IFT88: variants seen among roughly 807,000 people sequenced by gnomAD.
The protein encoded by IFT88 is intraflagellar transport protein 88 homolog.
A neutral mutation model predicts 119.5 loss-of-function variants in IFT88; 74 were observed. The observed-to-expected ratio is 0.62, with a 90% confidence interval of 0.51 to 0.75. IFT88 has a LOEUF of 0.75. Among genes scored for constraint, IFT88 ranks in the 30% least tolerant of loss-of-function variants. IFT88 has a pLI of 0.00. For missense variants in IFT88, 961 were observed against 977.7 expected, an observed-to-expected ratio of 0.98 and a Z score of 0.23; for synonymous variants, 279 against 316.7, an observed-to-expected ratio of 0.88 and a Z score of 1.26.
chr13:20,568,343 C>G (rs1282845413), intron 1 of IFT88, among the ~76,000 whole-genome samples: 1 of 152,206 alleles, frequency 6.6e-6, no homozygotes, highest in Admixed American at 6.5e-5. Context: ...TGTTCTGCCA[C>G]CCATAGCTAT....
At chr13:20,634,491 G>A (rs990056123) in intron 16 of IFT88, among the ~76,000 whole-genome samples, 1 of 152,026 alleles carries the variant, frequency 6.6e-6, no homozygotes, top group African/African-American at 2.4e-5. Flanking sequence ...GATCACTTGA[G>A]GCCAGGAGTT....
At chr13:20,619,814 T>C (rs1405206947) in intron 14 of IFT88, among the ~76,000 whole-genome samples, 1 of 152,160 alleles carries the variant, frequency 6.6e-6, no homozygotes, top group Non-Finnish European at 1.5e-5. Flanking sequence ...TTTTCCAAAG[T>C]TCCTGTACTT....
At chr13:20,659,765 T>G (rs1379809567) in intron 22 of IFT88, among the ~76,000 whole-genome samples, 2 of 151,978 alleles carry the variant, frequency 1.3e-5, no homozygotes, top group Non-Finnish European at 2.9e-5. Context: ...TGCCTCAGCC[T>G]CCCAAGTAGC....
chr13:20,632,917 G>A (rs1262980211), intron 16 of IFT88, among the ~76,000 whole-genome samples: 1 of 152,188 alleles, frequency 6.6e-6, no homozygotes, highest in African/African-American at 2.4e-5. Flanking sequence ...AAGCACTGCT[G>A]TGCTGAATTG....
chr13:20,577,294 A>G (rs970736410), intron 2 of IFT88, among the ~76,000 whole-genome samples: 2 of 152,142 alleles, frequency 1.3e-5, no homozygotes, highest in Non-Finnish European at 1.5e-5. Flanking sequence ...ATAAGATCAT[A>G]TCATCTATAA....
chr13:20,659,251 T>C (rs1344772080), intron 22 of IFT88, among the ~76,000 whole-genome samples: 1 of 152,190 alleles, frequency 6.6e-6, no homozygotes. Flanking sequence ...CTCCACACTT[T>C]GGGACACCAA....
At chr13:20,652,253 A>AT (rs1285258699) in intron 20 of IFT88, among the ~76,000 whole-genome samples, 6 of 152,212 alleles carry the variant, frequency 3.9e-5, no homozygotes, top group African/African-American at 1.2e-4. Flanking sequence ...ATTTTAAAGA[A>AT]TTAATACACT....
At chr13:20,639,200 C>T (rs549368363) in intron 17 of IFT88, among the ~76,000 whole-genome samples, 1 of 152,020 alleles carries the variant, frequency 6.6e-6, no homozygotes, top group African/African-American at 2.4e-5. Context: ...GTATTTTTTG[C>T]TTTCTTTGGT....
chr13:20,587,261 TTTTTC>T (rs1431918170), intron 3 of IFT88, among the ~76,000 whole-genome samples: 2 of 152,086 alleles, frequency 1.3e-5, no homozygotes, highest in Non-Finnish European at 2.9e-5. Context: ...CTGCTTTTTT[TTTTTC>T]TTTCTTTCTG....
At chr13:20,580,145 A>T (rs1442752232) in intron 2 of IFT88, among the ~76,000 whole-genome samples, 1 of 152,230 alleles carries the variant, frequency 6.6e-6, no homozygotes, top group African/African-American at 2.4e-5. Context: ...CAACTACATC[A>T]TAAGCAGTGT....
chr13:20,664,519 TG>T (rs911594152), intron 23 of IFT88, among the ~76,000 whole-genome samples: 3 of 152,176 alleles, frequency 2.0e-5, no homozygotes, highest in Admixed American at 1.3e-4. Context: ...CATAATGGTG[TG>T]GACCAGCCCC....
At chr13:20,598,360 A>G (rs1050101419) in intron 9 of IFT88, among the ~76,000 whole-genome samples, 11 of 152,176 alleles carry the variant, frequency 7.2e-5, no homozygotes, top group African/African-American at 2.4e-4. Flanking sequence ...AGCAGCATTA[A>G]TGATACACAT....
At chr13:20,628,956 G>T (rs1280600779) in intron 15 of IFT88, among the ~76,000 whole-genome samples, 1 of 151,986 alleles carries the variant, frequency 6.6e-6, no homozygotes, top group Non-Finnish European at 1.5e-5. Context: ...TAATGTAAAT[G>T]GCCGCTTCTA....
intron 23 of IFT88, among the ~76,000 whole-genome samples, chr13:20,669,549 G>A (rs959911502): frequency 6.6e-6 from 1 of 151,554 alleles, no homozygotes; most frequent in Non-Finnish European, 1.5e-5. Context: ...TCAGCCTCCA[G>A]AGTAGCTGAG....
At chr13:20,674,934 C>T (rs1035126776) in intron 24 of IFT88, among the ~76,000 whole-genome samples, 1 of 151,474 alleles carries the variant, frequency 6.6e-6, no homozygotes, top group African/African-American at 2.4e-5. Context: ...GGGATGGTCT[C>T]GATCTCCTGA....
At chr13:20,620,900 A>G (rs1035699564) in intron 14 of IFT88, among the ~76,000 whole-genome samples, 2 of 152,190 alleles carry the variant, frequency 1.3e-5, no homozygotes, top group Non-Finnish European at 2.9e-5. Flanking sequence ...AGCCCCTACT[A>G]TTATGTGAGG....
chr13:20,643,738 G>A, intron 19 of IFT88, 133 bp downstream of exon 19: 1 of 689,694 alleles, frequency 1.4e-6, no homozygotes, highest in Non-Finnish European at 2.4e-6. Flanking sequence ...AGCATTCTTG[G>A]AAAATGAAGT....
At chr13:20,658,613 G>T (rs1241799968) in intron 22 of IFT88, among the ~76,000 whole-genome samples, 13 of 152,186 alleles carry the variant, frequency 8.5e-5, no homozygotes, top group Non-Finnish European at 1.5e-4. Context: ...GAGTTTCTCG[G>T]CCTTGGCACC....
At chr13:20,630,495 C>G (rs1250353866) in intron 15 of IFT88, among the ~76,000 whole-genome samples, 1 of 152,206 alleles carries the variant, frequency 6.6e-6, no homozygotes, top group Admixed American at 6.5e-5. Flanking sequence ...CAAGGCCTCA[C>G]TGCCCACCCC....
Sources: gnomAD v4.1 joint callset for allele counts (sites outside exome capture counted in the v4.1 genomes callset) on GRCh38, gnomAD v4.1.1 for gene constraint, MANE v1.5 for transcripts, NCBI Gene and HGNC (gene_info 2026-07-23, HGNC 2026-07-21) for gene names.